The following IGF2BP3 variants were observed in gnomAD, a reference collection of about 807,000 sequenced individuals.
The protein encoded by IGF2BP3 is insulin-like growth factor 2 mRNA-binding protein 3.
A neutral mutation model predicts 73.8 loss-of-function variants in IGF2BP3; 9 were observed. The observed-to-expected ratio is 0.12, with a 90% CI of 0.07 to 0.21. The LOEUF (loss-of-function observed/expected upper bound fraction) is 0.21, where lower values mean the gene tolerates loss of function less well. Ranked by LOEUF, IGF2BP3 falls within the 10% of genes least tolerant of loss-of-function variation. The pLI is 1.00. For missense variants in IGF2BP3, 542 were observed against 714.0 expected, an observed-to-expected ratio of 0.76 and a Z score of 2.75; for synonymous variants, 258 against 256.7, an observed-to-expected ratio of 1.01 and a Z score of -0.05.
intron 8 of IGF2BP3, among the ~76,000 whole-genome samples, 177 bp downstream of exon 8, chr7:23,345,763 T>C (rs1784814015): frequency 6.6e-6 from 1 of 152,244 alleles, no homozygotes; most frequent in African/African-American, 2.4e-5. Flanking sequence ...AAGCAGATAA[T>C]GCTTTCAATA....
At chr7:23,468,902 G>A (rs1055922602) in intron 1 of IGF2BP3, among the ~76,000 whole-genome samples, 7 of 152,214 alleles carry the variant, frequency 4.6e-5, no homozygotes, top group Admixed American at 6.5e-5. Context: ...GGGGCAGGGG[G>A]CTCCCCTGGC....
chr7:23,457,154 A>G (rs546355137), intron 2 of IGF2BP3, among the ~76,000 whole-genome samples: 9 of 152,108 alleles, frequency 5.9e-5, no homozygotes, highest in African/African-American at 2.2e-4. Flanking sequence ...CAGTTTAAGA[A>G]TTTACGTTAT....
chr7:23,419,688 C>T (rs1459215029), intron 2 of IGF2BP3, among the ~76,000 whole-genome samples: 1 of 152,122 alleles, frequency 6.6e-6, no homozygotes, highest in Admixed American at 6.6e-5. Flanking sequence ...TCCTCCTCTA[C>T]TAAAATTACA....
At chr7:23,438,629 T>A (rs529616957) in intron 2 of IGF2BP3, among the ~76,000 whole-genome samples, 164 of 152,060 alleles carry the variant, frequency 1.1e-3, no homozygotes, top group African/African-American at 3.9e-3. Flanking sequence ...AAAAATTTTT[T>A]AATTCCTTTC....
At position 23,351,298 on chromosome 7, in the gene IGF2BP3, TA is replaced by T; in HGVS notation, c.683+6del. 1 of 1,613,436 alleles carries T rather than the reference TA, an allele frequency of 6.2e-7. No homozygotes were observed. Among genetic ancestry groups the T allele is most frequent in the Non-Finnish European group, 8.5e-7 (1 of 1,179,700 alleles). On this transcript the variant is annotated splice_donor_region_variant and intron_variant, in intron 6 of 14. Coordinates refer to ENST00000258729, the MANE Select transcript of IGF2BP3 (RefSeq NM_006547.3). Reference sequence around the variant, plus strand: ...ATGAACACCCACCACACACTCAGCATACTCACTTAGACTGGGTCTGTTTGGT... The same window carrying T: ...ATGAACACCCACCACACACTCAGCATCTCACTTAGACTGGGTCTGTTTGGT...
chr7:23,345,033 G>GT (rs1015368069), intron 8 of IGF2BP3, among the ~76,000 whole-genome samples: 5 of 152,102 alleles, frequency 3.3e-5, no homozygotes, highest in Non-Finnish European at 7.4e-5. Context: ...ACTTTGTGGG[G>GT]TTTTTTTCCC....
At chr7:23,465,419 T>C (rs1454551199) in intron 2 of IGF2BP3, among the ~76,000 whole-genome samples, 2 of 152,224 alleles carry the variant, frequency 1.3e-5, no homozygotes, top group Non-Finnish European at 2.9e-5. Flanking sequence ...GAGGGGTATC[T>C]GAATGCAGAA....
intron 3 of IGF2BP3, among the ~76,000 whole-genome samples, chr7:23,407,366 T>C (rs1786868110): frequency 6.6e-6 from 1 of 151,466 alleles, no homozygotes; most frequent in African/African-American, 2.4e-5. Flanking sequence ...CCCAGCACTT[T>C]GGGAGGCCGA....
intron 3 of IGF2BP3, among the ~76,000 whole-genome samples, chr7:23,390,323 T>G: frequency 6.6e-6 from 1 of 152,062 alleles, no homozygotes; most frequent in East Asian, 1.9e-4. Context: ...CTGTATCACC[T>G]ATAATGGGGA....
intron 2 of IGF2BP3, among the ~76,000 whole-genome samples, chr7:23,449,159 T>A (rs1366712599): frequency 2.0e-5 from 3 of 152,006 alleles, no homozygotes; most frequent in African/African-American, 7.3e-5. Context: ...TCAAGGCTAA[T>A]ATGCCATGGA....
Position 23,470,419 on chromosome 7 carries a change from GA to G in IGF2BP3, c.-310del. 5.4e-6 allele frequency: 1 copy of G among 186,088 alleles called. No individual in the cohort carries two copies. The highest frequency in any genetic ancestry group is 1.1e-5 in the Non-Finnish European group (1 of 90,794). The allele number at this position is 186,088 out of a possible 1,614,324, so 11.5% of individuals were successfully genotyped here. ...GCAAGAGAAAGGAGGAGGAGGAGGG[GA>G]AAAAACTACTTTTTGTCTCTTCCTT... is the stretch of plus-strand genomic sequence containing the variant. On this transcript the variant is annotated 5_prime_UTR_variant, in exon 1 of 15. Coordinates refer to ENST00000258729, the MANE Select transcript of IGF2BP3 (RefSeq NM_006547.3).
chr7:23,390,797 TGC>T (rs1491342019), intron 3 of IGF2BP3, among the ~76,000 whole-genome samples: 1 of 149,404 alleles, frequency 6.7e-6, no homozygotes, highest in Non-Finnish European at 1.5e-5. Flanking sequence ...GATTTATTGT[TGC>T]CTTTTTTTTT....
At position 23,329,291 on chromosome 7, in the gene IGF2BP3, C is replaced by CT. The variant is rs778595321; in HGVS notation, c.1204-10038dup. Among the ~76,000 whole-genome samples, 63 of 152,080 alleles carry CT rather than the reference C, an allele frequency of 4.1e-4. 1 individual carries two copies. Among genetic ancestry groups the CT allele is most frequent in the South Asian group, 2.3e-3 (11 of 4,814 alleles). ...TGCTTTTTTACCTTAACTTGGATAT[C>CT]TTTTTTCACTCAAACGTCCCTACTG... On this transcript the variant is annotated intron_variant, in intron 10 of 14. Coordinates refer to ENST00000258729, the MANE Select transcript of IGF2BP3 (RefSeq NM_006547.3).
chr7:23,316,307 T>C (rs950811754), intron 12 of IGF2BP3, among the ~76,000 whole-genome samples: 1 of 152,148 alleles, frequency 6.6e-6, no homozygotes, highest in African/African-American at 2.4e-5. Flanking sequence ...TTTTTTTTGT[T>C]TGATTTAAGG....
chr7:23,368,166 G>A (rs1436276391), intron 3 of IGF2BP3, among the ~76,000 whole-genome samples: 1 of 152,106 alleles, frequency 6.6e-6, no homozygotes, highest in African/African-American at 2.4e-5. Flanking sequence ...AATGCTTACT[G>A]ACTGATGAAT....
chr7:23,432,516 C>T (rs769326353), intron 2 of IGF2BP3, among the ~76,000 whole-genome samples: 1 of 151,518 alleles, frequency 6.6e-6, no homozygotes, highest in East Asian at 1.9e-4. Flanking sequence ...GAATGTCAAA[C>T]AGGAAAAAAA....
chr7:23,394,768 C>T (rs1786395485), intron 3 of IGF2BP3: 1 of 152,086 alleles, frequency 6.6e-6, no homozygotes, highest in Non-Finnish European at 1.5e-5. Context: ...GAATTCCTAC[C>T]ATACAGAAAC....
chr7:23,330,475 A>G (rs1784416538), intron 10 of IGF2BP3, among the ~76,000 whole-genome samples: 1 of 151,924 alleles, frequency 6.6e-6, no homozygotes, highest in Non-Finnish European at 1.5e-5. Flanking sequence ...TGGCCTTGGT[A>G]TGACTTCCTG....
chr7:23,321,832 G>A (rs570328165), intron 10 of IGF2BP3, among the ~76,000 whole-genome samples: 85 of 152,236 alleles, frequency 5.6e-4, no homozygotes, highest in Admixed American at 1.4e-3. Flanking sequence ...TCACAGGGCC[G>A]GGTACTCCAA....
Sources: gnomAD v4.1 joint callset for allele counts (sites outside exome capture counted in the v4.1 genomes callset) on GRCh38, gnomAD v4.1.1 for gene constraint, MANE v1.5 for transcripts, NCBI Gene and HGNC (gene_info 2026-07-23, HGNC 2026-07-21) for gene names.